NACC1: variants seen among roughly 807,000 people sequenced by gnomAD.
NACC1 encodes the protein nucleus accumbens-associated protein 1.
A neutral mutation model predicts 41.7 loss-of-function variants in NACC1; 6 were observed. The observed-to-expected ratio is 0.14, with a 90% CI of 0.08 to 0.28. The LOEUF is 0.28. Among genes scored for constraint, NACC1 ranks in the 10% least tolerant of loss-of-function variants. NACC1 has a pLI of 1.00. For synonymous variants in NACC1, 338 were observed against 330.6 expected (o/e 1.02, Z -0.24); for missense variants, 434 against 763.7 (o/e 0.57, Z 5.09).
intron 1 of NACC1, among the ~76,000 whole-genome samples, chr19:13,125,423 T>G (rs1486304869): frequency 6.7e-6 from 1 of 150,336 alleles, no homozygotes; most frequent in Non-Finnish European, 1.5e-5. Context: ...TTTTTTTTTT[T>G]TTTTTTTTTT....
intron 1 of NACC1, among the ~76,000 whole-genome samples, chr19:13,121,156 G>A (rs7247596): frequency 1.3e-5 from 2 of 152,208 alleles, no homozygotes; most frequent in South Asian, 2.1e-4. Context: ...AAGTGTTCCC[G>A]GAGAGCTAAG....
At chr19:13,125,978 C>T (rs1336941630) in intron 1 of NACC1, among the ~76,000 whole-genome samples, 1 of 151,830 alleles carries the variant, frequency 6.6e-6, no homozygotes, top group Admixed American at 6.6e-5. Context: ...CTCAGGTGAT[C>T]CGCCCACCTC....
At chr19:13,130,595 A>G (rs1366012263) in intron 1 of NACC1, among the ~76,000 whole-genome samples, 1 of 135,662 alleles carries the variant, frequency 7.4e-6, no homozygotes, top group Non-Finnish European at 1.5e-5. Context: ...GAGTGTAGTG[A>G]CTCGATCTCA....
Position 13,137,467 on chromosome 19 carries a change from C to G in NACC1, c.1227-11C>G. 6.2e-7 allele frequency: 1 copy of G among 1,608,570 alleles called. No homozygotes were observed. Among genetic ancestry groups the G allele is most frequent in the Non-Finnish European group, 8.5e-7 (1 of 1,177,674 alleles). On this transcript the variant is annotated splice_polypyrimidine_tract_variant and intron_variant, in intron 4 of 5. Transcript: ENST00000292431. The surrounding 1 kb of genome is among the most constrained non-coding windows in gnomAD (Gnocchi z 6.1). ...TTGAGCGCTGACTCCCTCCATGTCC[C>G]CTGCCCCCAGGAACACGCTGGCCAA...
chr19:13,137,711 A>C lies in NACC1; in HGVS notation c.1324+136A>C. 1.3e-6 allele frequency: 1 copy of C among 748,586 alleles called. No homozygotes were observed. The highest frequency in any genetic ancestry group is 1.8e-5 in the South Asian group (1 of 54,104). The allele number at this position is 748,586 out of a possible 1,614,324, so 46.4% of individuals were successfully genotyped here. A position where few individuals can be genotyped will look rare whatever the true frequency, so the allele number is the denominator to read the frequency against. On this transcript the variant is annotated intron_variant, in intron 5 of 5. Transcript: ENST00000292431. This position sits in a 1 kb window ranked among gnomAD's most constrained non-coding sequence, Gnocchi z 6.1. ...GGGGCTCATTCTAGCCTTGCTGGGA[A>C]ACCGGCTGTGATTGCTTAGAGATTT...
intron 1 of NACC1, among the ~76,000 whole-genome samples, chr19:13,125,530 C>T (rs2019551559): frequency 6.6e-6 from 1 of 151,298 alleles, no homozygotes; most frequent in African/African-American, 2.4e-5. Context: ...AAGCGATTCT[C>T]CTGCCTCAGC....
rs756559534 is a variant in NACC1 at position 13,136,218 on chromosome 19, C to T, written c.947-14C>T. 1 of 1,608,786 alleles carries T rather than the reference C, an allele frequency of 6.2e-7. No individual in the cohort carries two copies. The highest frequency in any genetic ancestry group is 8.5e-7 in the Non-Finnish European group (1 of 1,176,860). ...TGCTCCTCCTGCCACTCGCGTGCCA[C>T]TCTCTCCCTGCAGCCGAGAAGGTGG... On this transcript the variant is annotated splice_polypyrimidine_tract_variant and intron_variant, in intron 2 of 5. Transcript: ENST00000292431. The surrounding 1 kb of genome is among the most constrained non-coding windows in gnomAD (Gnocchi z 5.5).
chr19:13,126,145 G>A lies in NACC1; in HGVS notation c.-9+7691G>A, dbSNP rs2019559023. On this transcript the variant is annotated intron_variant, in intron 1 of 5. Coordinates refer to ENST00000292431, the MANE Select transcript of NACC1 (RefSeq NM_052876.4). ...CGCAACCTTCGCCTCCTGAGTTCAA[G>A]CGATTCTCCTGCCTCAGCCTCCCGA... Among the ~76,000 whole-genome samples the A allele has an allele frequency of 2.0e-5, 3 of 151,380 alleles. 1 individual carries two copies. The South Asian group carries it at 6.3e-4, about 32-fold the overall frequency.
intron 1 of NACC1, among the ~76,000 whole-genome samples, chr19:13,121,809 C>T (rs1175849632): frequency 2.0e-5 from 3 of 152,148 alleles, no homozygotes; most frequent in African/African-American, 7.2e-5. Flanking sequence ...CTAGGTTGCT[C>T]TCAGCACTTG....
At position 13,138,261 on chromosome 19, in the gene NACC1, A is replaced by G. The variant is rs2019734615; in HGVS notation, c.1439A>G (p.Lys480Arg). 3 of 1,614,070 alleles carry G rather than the reference A, an allele frequency of 1.9e-6. No homozygotes were observed. The highest frequency in any genetic ancestry group is 2.7e-5 in the African/African-American group (2 of 74,926). ...CGCAAGAGCTGGATGCCCAAGGTCAAGGTGCTCAAGGCTGAGGATGACGCC... is the reference window on the plus strand; with the variant it reads ...CGCAAGAGCTGGATGCCCAAGGTCAGGGTGCTCAAGGCTGAGGATGACGCC... ...VVRKSWMPKV[K>R]VLKAEDDAYT... is the part of the protein sequence containing the mutation. The change falls in exon 6 of 6, where the codon AAG becomes AGG. Residue 480 changes from lysine to arginine, a missense_variant. Physicochemically the swap from Lys to Arg is conservative, Grantham distance 26 (BLOSUM62 2). Around this residue, in one of 4 missense-constraint regions of NACC1, gnomAD observed 63 missense variants for 68.4 expected, o/e 0.92. Transcript: ENST00000292431. This position sits in a 1 kb window ranked among gnomAD's most constrained non-coding sequence, Gnocchi z 5.7.
rs1342778688 is a variant in NACC1, at chr19:13,137,589, C to T, written c.1324+14C>T. On this transcript the variant is annotated intron_variant, in intron 5 of 5. Coordinates refer to ENST00000292431, the MANE Select transcript of NACC1 (RefSeq NM_052876.4). This position sits in a 1 kb window ranked among gnomAD's most constrained non-coding sequence, Gnocchi z 6.1. ...ACGCTGTCAAGTGTGAGTGTTGGCC[C>T]AGCTGGACGAGGCGTGGGCCCGGGG... 2.6e-6 allele frequency: 4 copies of T among 1,548,180 alleles called. No individual in the cohort carries two copies. The highest frequency in any genetic ancestry group is 1.4e-5 in the African/African-American group (1 of 72,914).
Position 13,137,113 on chromosome 19 carries a change from G to A in NACC1, c.1121-158G>A, listed in dbSNP as rs2019717376. On this transcript the variant is annotated intron_variant, in intron 3 of 5. Transcript: ENST00000292431. The surrounding 1 kb of genome is among the most constrained non-coding windows in gnomAD (Gnocchi z 6.1). ...AAGGAGCCTCCCCTGACTGCCCTTG[G>A]TGGGTAGAGATGTAGGGGAGAAGGT... Among the ~76,000 whole-genome samples the A allele has an allele frequency of 6.6e-6, 1 of 152,210 alleles. No homozygotes were observed. The highest frequency in any genetic ancestry group is 1.5e-5 in the Non-Finnish European group (1 of 68,024).
intron 1 of NACC1, among the ~76,000 whole-genome samples, chr19:13,134,661 G>A (rs940789597): frequency 6.6e-6 from 1 of 152,164 alleles, no homozygotes; most frequent in Admixed American, 6.5e-5. Flanking sequence ...GAGCCACTGC[G>A]CCTGACCTCA....
chr19:13,127,400 T>TTTTTTTTTTTTTTTTTTC (rs1245933408), intron 1 of NACC1, among the ~76,000 whole-genome samples: 3 of 100,870 alleles, frequency 3.0e-5, no homozygotes, highest in African/African-American at 1.2e-4. Flanking sequence ...TTTTTTTTTT[T>TTTTTTTTTTTTTTTTTTC]CGGTTAACTG....
At position 13,136,452 on chromosome 19, in the gene NACC1, C is replaced by G. The variant is rs769489075; in HGVS notation, c.1120+47C>G. 1 of 1,569,320 alleles carries G rather than the reference C, an allele frequency of 6.4e-7. No homozygotes were observed. Among genetic ancestry groups the G allele is most frequent in the East Asian group, 2.2e-5 (1 of 44,554 alleles). On this transcript the variant is annotated intron_variant, in intron 3 of 5. Transcript: ENST00000292431. This position sits in a 1 kb window ranked among gnomAD's most constrained non-coding sequence, Gnocchi z 5.5. ...TCTCTCCCCTCCGCAGCTTTGGAGC[C>G]GGCTGGCCTGGGCTGGGCTGGGCAG...
At chr19:13,120,619 G>A (rs780161413) in intron 1 of NACC1, among the ~76,000 whole-genome samples, 1 of 152,218 alleles carries the variant, frequency 6.6e-6, no homozygotes, top group South Asian at 2.1e-4. Context: ...CAGCAGTCCC[G>A]CAAAGAGACT....
chr19:13,118,373 G>A lies in NACC1; in HGVS notation c.-90G>A, dbSNP rs865816079. 1 of 146,738 alleles carries A rather than the reference G, an allele frequency of 6.8e-6. No individual in the cohort carries two copies. The highest frequency in any genetic ancestry group is 2.1e-4 in the South Asian group (1 of 4,828). 9.1% of individuals were successfully genotyped at this position (146,738 alleles called of 1,614,324 possible). ...GCGGAGGCCGAGGCCCCGGCGCAGC[G>A]GGGCGCGCCCCGGGCCCAGGCCCGG... On this transcript the variant is annotated 5_prime_UTR_variant, in exon 1 of 6. Coordinates refer to ENST00000292431, the MANE Select transcript of NACC1 (RefSeq NM_052876.4).
In NACC1 at chr19:13,138,416, C is replaced by G; in HGVS notation, c.*10C>G. Reference sequence around the variant, plus strand: ...TGAAGCCCTGCAGTAACCCGCCCAGCCTCCCGCGGGGCCACACACTTCCCC... The same window carrying G: ...TGAAGCCCTGCAGTAACCCGCCCAGGCTCCCGCGGGGCCACACACTTCCCC... On this transcript the variant is annotated 3_prime_UTR_variant, in exon 6 of 6. Transcript: ENST00000292431. The surrounding 1 kb of genome is among the most constrained non-coding windows in gnomAD (Gnocchi z 5.7). 1 of 1,607,370 alleles carries G rather than the reference C, an allele frequency of 6.2e-7. No homozygotes were observed. Among genetic ancestry groups the G allele is most frequent in the African/African-American group, 1.3e-5 (1 of 75,000 alleles).
At chr19:13,121,294 C>T (rs1264700425) in intron 1 of NACC1, among the ~76,000 whole-genome samples, 1 of 152,126 alleles carries the variant, frequency 6.6e-6, no homozygotes, top group African/African-American at 2.4e-5. Context: ...TCTGAGTGCT[C>T]TAAACATTTT....
Sources: gnomAD v4.1 joint callset for allele counts (sites outside exome capture counted in the v4.1 genomes callset) on GRCh38, gnomAD v4.1.1 for gene constraint, gnomAD v4.1.1 regional missense constraint, Gnocchi (gnomAD v3.1) non-coding constraint, MANE v1.5 for transcripts, NCBI Gene and HGNC (gene_info 2026-07-23, HGNC 2026-07-21) for gene names.